Variants in SUGT1 observed in about 807,000 individuals in gnomAD.
The protein encoded by SUGT1 is protein SGT1 homolog.
A neutral mutation model predicts 56.1 loss-of-function variants in SUGT1; 15 were observed. That is an observed-to-expected ratio of 0.27 (90% confidence interval 0.18 to 0.41). SUGT1 has a LOEUF of 0.41. Ranked by LOEUF, SUGT1 falls within the 10% of genes least tolerant of loss-of-function variation. SUGT1 has a pLI of 1.00. For missense variants in SUGT1, 347 were observed against 382.2 expected (o/e 0.91, Z 0.77); for synonymous variants, 123 against 128.6 (o/e 0.96, Z 0.30).
chr13:52,658,131 A>G (rs1343520036), intron 3 of SUGT1: 2 of 1,359,178 alleles, frequency 1.5e-6, no homozygotes, highest in Non-Finnish European at 1.9e-6. Flanking sequence ...AAAATTACAT[A>G]GAAAATGTTA....
intron 10 of SUGT1, among the ~76,000 whole-genome samples, chr13:52,675,039 G>A (rs184421896): frequency 2.6e-4 from 39 of 152,136 alleles, no homozygotes; most frequent in African/African-American, 8.4e-4. Context: ...AGTACTCCCC[G>A]ATGCAGTGTC....
Position 52,698,192 on chromosome 13 carries a change from T to A in SUGT1, c.*10357T>A, listed in dbSNP as rs1179952525. 2 of 152,184 alleles carry A rather than the reference T, an allele frequency of 1.3e-5. No individual in the cohort carries two copies. The highest frequency in any genetic ancestry group is 2.9e-5 in the Non-Finnish European group (2 of 68,026). 9.4% of individuals were successfully genotyped at this position (152,184 alleles called of 1,614,324 possible). A position where few individuals can be genotyped will look rare whatever the true frequency, so the allele number is the denominator to read the frequency against. ...CCATCTGACAAGACTAGAGGTAGCT[T>A]TGGAACCTCTTATTCCCTGGAATGC... On this transcript the variant is annotated 3_prime_UTR_variant, in exon 13 of 13. Coordinates refer to ENST00000310528, the MANE Select transcript of SUGT1 (RefSeq NM_006704.5).
Position 52,652,937 on chromosome 13 carries a change from C to G in SUGT1, c.17C>G (p.Ala6Gly). ...CTACGAGGGATGGCGGCGGCTGCAG[C>G]AGGAACTGCAACATCCCAGAGGTGC... MAAAA[A>G]GTATSQRFFQ... Residue 6 changes from alanine to glycine, a missense_variant, in exon 1 of 13, where the codon GCA becomes GGA. Physicochemically the swap from Ala to Gly is moderately conservative, Grantham distance 60. Transcript: ENST00000310528. 1 of 1,614,162 alleles carries G rather than the reference C, an allele frequency of 6.2e-7. No homozygotes were observed. The highest frequency in any genetic ancestry group is 8.5e-7 in the Non-Finnish European group (1 of 1,179,998).
intron 4 of SUGT1, among the ~76,000 whole-genome samples, chr13:52,658,772 T>C (rs1962287088): frequency 6.6e-6 from 1 of 150,548 alleles, no homozygotes; most frequent in Non-Finnish European, 1.5e-5. Context: ...TTTTGGAATT[T>C]ACTATATTTA....
chr13:52,681,415 C>CAAAAAAAAA (rs201016706), intron 12 of SUGT1, among the ~76,000 whole-genome samples: 2 of 90,938 alleles, frequency 2.2e-5, no homozygotes. Context: ...GACCCTGTCT[C>CAAAAAAAAA]AAAAAAAAAA....
At chr13:52,664,247 A>G (rs2138125510) in intron 8 of SUGT1, among the ~76,000 whole-genome samples, 190 bp downstream of exon 8, 1 of 152,344 alleles carries the variant, frequency 6.6e-6, no homozygotes, top group South Asian at 2.1e-4. Context: ...TACTTCAGTT[A>G]AATTCAAATC....
intron 10 of SUGT1, among the ~76,000 whole-genome samples, chr13:52,667,360 G>A (rs1271954895): frequency 1.3e-5 from 2 of 152,022 alleles, no homozygotes; most frequent in Admixed American, 6.6e-5. Flanking sequence ...TGTTGTTGTT[G>A]TTGAGACGGA....
At chr13:52,656,831 T>G (rs1962186731) in intron 2 of SUGT1, among the ~76,000 whole-genome samples, 1 of 152,256 alleles carries the variant, frequency 6.6e-6, no homozygotes, top group African/African-American at 2.4e-5. Context: ...AAAGTGTTCC[T>G]GCACTTGTCT....
chr13:52,678,023 G>A (rs1963219283), intron 11 of SUGT1, among the ~76,000 whole-genome samples: 1 of 152,142 alleles, frequency 6.6e-6, no homozygotes, highest in Non-Finnish European at 1.5e-5. Flanking sequence ...TGTATTGCAA[G>A]CTGGAGACTG....
intron 10 of SUGT1, among the ~76,000 whole-genome samples, chr13:52,674,895 T>A (rs1256734948): frequency 6.7e-6 from 1 of 149,972 alleles, no homozygotes; most frequent in African/African-American, 2.4e-5. Flanking sequence ...TGTGATTGTG[T>A]GTGTTGGGGG....
chr13:52,667,025 T>C, intron 10 of SUGT1, 106 bp downstream of exon 10: 1 of 714,966 alleles, frequency 1.4e-6, no homozygotes, highest in Non-Finnish European at 2.3e-6. Context: ...TTTCAGCCCT[T>C]TAACAGGGAC....
rs1961963901 is a variant in SUGT1 at position 52,652,841 on chromosome 13, G to C, written c.-80G>C. On this transcript the variant is annotated 5_prime_UTR_variant, in exon 1 of 13. Coordinates refer to ENST00000310528, the MANE Select transcript of SUGT1 (RefSeq NM_006704.5). Reference sequence around the variant, plus strand: ...CGGAAGCTCGGTTGGTGTTTCTCCAGAAGTTTCCCCCTTGGGCGGTGGTGG... The same window carrying C: ...CGGAAGCTCGGTTGGTGTTTCTCCACAAGTTTCCCCCTTGGGCGGTGGTGG... 1.9e-6 allele frequency: 3 copies of C among 1,561,666 alleles called. No individual in the cohort carries two copies. In the East Asian group the frequency reaches 7.1e-5, roughly 37 times the overall value.
chr13:52,675,057 AC>A (rs1401888292), intron 10 of SUGT1, among the ~76,000 whole-genome samples: 2 of 152,138 alleles, frequency 1.3e-5, no homozygotes, highest in African/African-American at 2.4e-5. Flanking sequence ...GTCCTTTCAT[AC>A]CCATGCTCCA....
intron 7 of SUGT1, among the ~76,000 whole-genome samples, 163 bp from the exon 8 acceptor site, chr13:52,663,872 A>C (rs2138124362): frequency 6.6e-6 from 1 of 152,304 alleles, no homozygotes; most frequent in East Asian, 1.9e-4. Context: ...TTTAACAATT[A>C]CAGTTACTAT....
intron 2 of SUGT1, 118 bp downstream of exon 2, chr13:52,653,221 C>G (rs1053984598): frequency 1.6e-6 from 2 of 1,217,070 alleles, no homozygotes; most frequent in Admixed American, 2.2e-5. Context: ...CTTGTTGATG[C>G]TGCGTCTCAG....
At chr13:52,677,280 C>G (rs1353540731) in intron 11 of SUGT1, among the ~76,000 whole-genome samples, 1 of 151,988 alleles carries the variant, frequency 6.6e-6, no homozygotes, top group Non-Finnish European at 1.5e-5. Flanking sequence ...TAGCTTTCAC[C>G]CAGTTTCCCC....
rs1005069048 is a variant in SUGT1 at position 52,691,583 on chromosome 13, T to C, written c.*3748T>C. The stretch of plus-strand genomic sequence containing the variant: ...TGTGCATCTCTCTGAACTTGTAGCT[T>C]TACTGACATTTCCAAAAAAAGGTAG... On this transcript the variant is annotated 3_prime_UTR_variant, in exon 13 of 13. Coordinates refer to ENST00000310528, the MANE Select transcript of SUGT1 (RefSeq NM_006704.5). The C allele has an allele frequency of 6.6e-6, 1 of 152,170 alleles. No individual in the cohort carries two copies. The highest frequency in any genetic ancestry group is 2.4e-5 in the African/African-American group (1 of 41,438). 9.4% of individuals were successfully genotyped at this position (152,170 alleles called of 1,614,324 possible). A position where few individuals can be genotyped will look rare whatever the true frequency, so the allele number is the denominator to read the frequency against.
At chr13:52,676,116 A>G (rs1963132020) in intron 10 of SUGT1, 114 bp from the exon 11 acceptor site, 1 of 688,478 alleles carries the variant, frequency 1.5e-6, no homozygotes, top group Non-Finnish European at 2.2e-6. Context: ...TAATTTAAGG[A>G]AACTGTCAAA....
intron 8 of SUGT1, 94 bp from the exon 9 acceptor site, chr13:52,665,543 G>T: frequency 2.5e-6 from 2 of 812,630 alleles, no homozygotes; most frequent in South Asian, 3.5e-5. Flanking sequence ...TCCTCCAGGT[G>T]GGGCTCTTGT....
Sources: allele counts gnomAD v4.1 joint callset (sites outside exome capture counted in the v4.1 genomes callset), GRCh38; gene constraint gnomAD v4.1.1; transcripts MANE v1.5; gene names NCBI Gene and HGNC (gene_info 2026-07-23, HGNC 2026-07-21).